PRTG: variants seen among roughly 807,000 people sequenced by gnomAD.
PRTG encodes the protein immunoglobulin superfamily, DCC subclass, member 5.
In PRTG, 67 loss-of-function variants were observed where a neutral mutation model predicts 122.5. The ratio of observed to expected loss-of-function variants is 0.55; its 90% confidence interval spans 0.45 to 0.67. The LOEUF is 0.67. Ranked by LOEUF, PRTG falls within the 30% of genes least tolerant of loss-of-function variation. The probability of loss-of-function intolerance (pLI) is 0.00; values close to 1 mark genes in which losing one functional copy is unlikely to be tolerated. For missense variants in PRTG, 1,435 were observed against 1,415.4 expected, an observed-to-expected ratio of 1.01 and a Z score of -0.22; for synonymous variants, 554 against 501.1, an observed-to-expected ratio of 1.11 and a Z score of -1.41.
chr15:55,635,168 T>C (rs2059251070), intron 15 of PRTG, among the ~76,000 whole-genome samples: 1 of 151,910 alleles, frequency 6.6e-6, no homozygotes, highest in Admixed American at 6.6e-5. Context: ...CTCAGCTCAC[T>C]GCAACCTCTG....
chr15:55,701,859 T>C lies in PRTG; in HGVS notation c.398-17928A>G, dbSNP rs78553397. Among the ~76,000 whole-genome samples, 569 of 152,310 alleles carry C rather than the reference T, an allele frequency of 3.7e-3. 2 individuals carry two copies. The highest frequency in any genetic ancestry group is 0.014 in the Middle Eastern group (4 of 294). On this transcript the variant is annotated intron_variant, in intron 2 of 19. Coordinates refer to ENST00000389286, the MANE Select transcript of PRTG (RefSeq NM_173814.6). ...AAGAAGCAAGACACAGAAGGTTACA[T>C]AATATATAATTCTACTATTTATATG...
At chr15:55,696,263 A>C (rs2059631614) in intron 2 of PRTG, among the ~76,000 whole-genome samples, 1 of 152,138 alleles carries the variant, frequency 6.6e-6, no homozygotes, top group Non-Finnish European at 1.5e-5. Flanking sequence ...CCTGTTTCTT[A>C]AAAAAAGAAC....
At chr15:55,720,874 G>T (rs918570849) in intron 2 of PRTG, among the ~76,000 whole-genome samples, 2 of 152,122 alleles carry the variant, frequency 1.3e-5, no homozygotes, top group African/African-American at 2.4e-5. Context: ...AGGCTGTCCT[G>T]GGCTGCATGC....
At chr15:55,717,027 T>G (rs1255593478) in intron 2 of PRTG, among the ~76,000 whole-genome samples, 1 of 152,196 alleles carries the variant, frequency 6.6e-6, no homozygotes, top group Non-Finnish European at 1.5e-5. Flanking sequence ...ATGAAACCAT[T>G]TGAGCCACTA....
chr15:55,626,010 C>T (rs1007241669), intron 17 of PRTG, among the ~76,000 whole-genome samples: 1 of 152,178 alleles, frequency 6.6e-6, no homozygotes, highest in Non-Finnish European at 1.5e-5. Flanking sequence ...ACCTTGACTT[C>T]CCAAAGGTCT....
At chr15:55,646,701 G>T (rs2059326347) in intron 11 of PRTG, among the ~76,000 whole-genome samples, 1 of 152,158 alleles carries the variant, frequency 6.6e-6, no homozygotes, top group Admixed American at 6.5e-5. Flanking sequence ...CTTGCTTAAA[G>T]ATTTAGCAAT....
chr15:55,679,357 G>C lies in PRTG; in HGVS notation c.1062C>G (p.Pro354=). 6.2e-7 allele frequency: 1 copy of C among 1,612,508 alleles called. No individual in the cohort carries two copies. The highest frequency in any genetic ancestry group is 8.5e-7 in the Non-Finnish European group (1 of 1,178,604). The stretch of plus-strand genomic sequence containing the variant: ...TTTTCAACCATGACATCTTGGGAGA[G>C]GGGATTCCTTCTGCCTGACACACAA... ...ARFVCQAEGI[P]SPKMSWLKNG... The change falls in exon 7 of 20, where the codon CCC becomes CCG. Residue 354 remains proline (P), a synonymous_variant. Coordinates refer to ENST00000389286, the MANE Select transcript of PRTG (RefSeq NM_173814.6).
Position 55,694,869 on chromosome 15 carries a change from C to A in PRTG, c.398-10938G>T, listed in dbSNP as rs556706883. Among the ~76,000 whole-genome samples the A allele has an allele frequency of 5.3e-5, 8 of 152,268 alleles. No individual in the cohort carries two copies. In the East Asian group the frequency reaches 1.5e-3, roughly 29 times the overall value. On this transcript the variant is annotated intron_variant, in intron 2 of 19. Coordinates refer to ENST00000389286, the MANE Select transcript of PRTG (RefSeq NM_173814.6). Reference sequence around the variant, plus strand: ...TAGGTATGATTTTACAAGTCTACAGCCTCCTTGTGAAACCTGACCTCTCTC... The same window carrying A: ...TAGGTATGATTTTACAAGTCTACAGACTCCTTGTGAAACCTGACCTCTCTC...
rs2059131792 is a variant in PRTG at position 55,614,018 on chromosome 15, T to C, written c.*5994A>G. Reference sequence around the variant, plus strand: ...CAACAAATGGCATCATATTACTTCCTAGAGTCGGGAGAAGTTGTAAAATGA... The same window carrying C: ...CAACAAATGGCATCATATTACTTCCCAGAGTCGGGAGAAGTTGTAAAATGA... On this transcript the variant is annotated 3_prime_UTR_variant, in exon 20 of 20. Transcript: ENST00000389286. 6.6e-6 allele frequency: 1 copy of C among 152,102 alleles called. No individual in the cohort carries two copies. Among genetic ancestry groups the C allele is most frequent in the Non-Finnish European group, 1.5e-5 (1 of 67,960 alleles). The allele number at this position is 152,102 out of a possible 1,614,324, so 9.4% of individuals were successfully genotyped here. A position where few individuals can be genotyped will look rare whatever the true frequency, so the allele number is the denominator to read the frequency against.
At chr15:55,631,042 G>T (rs143189623) in intron 15 of PRTG, among the ~76,000 whole-genome samples, 1 of 152,128 alleles carries the variant, frequency 6.6e-6, no homozygotes, top group Non-Finnish European at 1.5e-5. Flanking sequence ...CAGGTCACAC[G>T]GTGTGAGGCA....
At chr15:55,686,467 C>T (rs941201438) in intron 2 of PRTG, among the ~76,000 whole-genome samples, 17 of 152,278 alleles carry the variant, frequency 1.1e-4, no homozygotes, top group African/African-American at 1.9e-4. Flanking sequence ...TCTTCTTCCA[C>T]GACCCCACAA....
intron 2 of PRTG, among the ~76,000 whole-genome samples, chr15:55,696,765 T>C (rs958737297): frequency 1.3e-5 from 2 of 152,214 alleles, no homozygotes; most frequent in Admixed American, 1.3e-4. Flanking sequence ...AAGTGGTTTA[T>C]TACCTAATTT....
At chr15:55,664,161 G>A (rs2059425014) in intron 11 of PRTG, among the ~76,000 whole-genome samples, 1 of 151,830 alleles carries the variant, frequency 6.6e-6, no homozygotes, top group Non-Finnish European at 1.5e-5. Flanking sequence ...TTTGTTTTTT[G>A]AGATGGAGTT....
At chr15:55,621,195 T>C (rs1449793349) in intron 18 of PRTG, among the ~76,000 whole-genome samples, 1 of 151,772 alleles carries the variant, frequency 6.6e-6, no homozygotes, top group Non-Finnish European at 1.5e-5. Context: ...CTACTAAAAA[T>C]ACAAAAATTA....
rs1365188000 is a variant in PRTG at position 55,679,294 on chromosome 15, C to T, written c.1125G>A (p.Met375Ile). The T allele has an allele frequency of 1.9e-6, 3 of 1,610,606 alleles. No homozygotes were observed. Among genetic ancestry groups the T allele is most frequent in the Admixed American group, 1.7e-5 (1 of 59,928 alleles). ...AAAGTTACACAGCCTACCTGTTGTA[C>T]ATTTTAATTCTACCATTCGAATGTA... Reference protein sequence around the residue: ...RKIHSNGRIKMYNSKLVINQI... With the variant: ...RKIHSNGRIKIYNSKLVINQI... Residue 375 changes from methionine (M) to isoleucine (I), a missense_variant, in exon 7 of 20, where the codon ATG becomes ATA. Physicochemically the swap from Met to Ile is conservative, Grantham distance 10. Coordinates refer to ENST00000389286, the MANE Select transcript of PRTG (RefSeq NM_173814.6).
chr15:55,655,889 TG>T (rs2059376984), intron 11 of PRTG: 1 of 152,246 alleles, frequency 6.6e-6, no homozygotes, highest in Non-Finnish European at 1.5e-5. Flanking sequence ...GACTAAAAAT[TG>T]TCAGTACAAG....
At chr15:55,624,883 A>G (rs2059186340) in intron 17 of PRTG, among the ~76,000 whole-genome samples, 1 of 152,208 alleles carries the variant, frequency 6.6e-6, no homozygotes, top group Non-Finnish European at 1.5e-5. Context: ...GTACTTCAAG[A>G]TTTAGGCAGT....
At chr15:55,662,676 A>G (rs1233105922) in intron 11 of PRTG, among the ~76,000 whole-genome samples, 1 of 152,222 alleles carries the variant, frequency 6.6e-6, no homozygotes. Flanking sequence ...AAGGGACTCC[A>G]CTGAGAGATA....
In PRTG at chr15:55,677,988, G is replaced by A. The variant is rs749848477; in HGVS notation, c.1190C>T (p.Ala397Val). Residue 397 changes from alanine to valine, a missense_variant, in exon 8 of 20, where the codon GCT (alanine) becomes GTT (valine). Ala to Val is a moderately conservative substitution (Grantham distance 64, BLOSUM62 0). Coordinates refer to ENST00000389286, the MANE Select transcript of PRTG (RefSeq NM_173814.6). ...PEDDAIYQCM[A>V]ENSQGSILSR... ...TAAAATAGATCCTTGGCTATTCTCA[G>A]CCATGCACTGATAAATAGCATCATC... The A allele has an allele frequency of 1.9e-6, 3 of 1,607,062 alleles. No individual in the cohort carries two copies. In the South Asian group the frequency reaches 3.3e-5, roughly 18 times the overall value.
Sources: allele counts gnomAD v4.1 joint callset (sites outside exome capture counted in the v4.1 genomes callset), GRCh38; gene constraint gnomAD v4.1.1; transcripts MANE v1.5; gene names NCBI Gene and HGNC (gene_info 2026-07-23, HGNC 2026-07-21).